Variants in MYO7B observed in about 807,000 individuals in gnomAD.
MYO7B encodes the protein myosin VIIB.
MYO7B carries 212 observed loss-of-function variants against 259.7 expected under a neutral mutation model. The ratio of observed to expected loss-of-function variants is 0.82; its 90% CI spans 0.73 to 0.91. MYO7B has a LOEUF of 0.91. Among genes scored for constraint, MYO7B ranks in the 40% least tolerant of loss-of-function variants. The pLI, the probability that MYO7B is intolerant of heterozygous loss-of-function variation, is 0.00. For synonymous variants in MYO7B, 1,197 were observed against 1,166.4 expected (o/e 1.03, Z -0.54); for missense variants, 2,732 against 2,813.5 (o/e 0.97, Z 0.66).
chr2:127,542,972 G>A (rs375407994), intron 1 of MYO7B, among the ~76,000 whole-genome samples: 20 of 152,178 alleles, frequency 1.3e-4, no homozygotes, highest in African/African-American at 4.1e-4. Context: ...GCCCTAAGGC[G>A]GTTTTCTCCT....
chr2:127,577,524 C>T lies in MYO7B; in HGVS notation c.850-609C>T, dbSNP rs1305380213. On this transcript the variant is annotated intron_variant, in intron 8 of 47. Coordinates refer to ENST00000409816, the MANE Select transcript of MYO7B (RefSeq NM_001393586.1). This position sits in a 1 kb window ranked among gnomAD's most constrained non-coding sequence, Gnocchi z 5.2. Reference sequence around the variant, plus strand: ...CCAAGATCTGCCCCTCTGCCGACCTCTCCCTTCTCAACACCCACCCCAGCC... The same window carrying T: ...CCAAGATCTGCCCCTCTGCCGACCTTTCCCTTCTCAACACCCACCCCAGCC... Among the ~76,000 whole-genome samples the T allele has an allele frequency of 9.8e-5, 15 of 152,300 alleles. No individual in the cohort carries two copies. The highest frequency in any genetic ancestry group is 3.4e-4 in the African/African-American group (14 of 41,558).
rs139047147 is a variant in MYO7B at position 127,587,265 on chromosome 2, G to A, written c.1691-1127G>A. Among the ~76,000 whole-genome samples, 700 of 152,290 alleles carry A rather than the reference G, an allele frequency of 4.6e-3. 8 individuals are homozygous for A. Among genetic ancestry groups the A allele is most frequent in the South Asian group, 0.041 (200 of 4,828 alleles). On this transcript the variant is annotated intron_variant, in intron 14 of 47. Coordinates refer to ENST00000409816, the MANE Select transcript of MYO7B (RefSeq NM_001393586.1). ...AGTGTGGTTCTGTCCCTACTGCAGG[G>A]CTAGGCCATTCTTACTCATGGCCGG...
At chr2:127,603,644 T>TA (rs1332855012) in intron 19 of MYO7B, among the ~76,000 whole-genome samples, 4 of 152,226 alleles carry the variant, frequency 2.6e-5, no homozygotes, top group Admixed American at 2.6e-4. Context: ...ACGTGATTGT[T>TA]AAGGGCCCTA....
intron 5 of MYO7B, among the ~76,000 whole-genome samples, chr2:127,567,787 A>G (rs1195722604): frequency 6.6e-6 from 1 of 152,200 alleles, no homozygotes; most frequent in Non-Finnish European, 1.5e-5. Context: ...TCCCTTCCTC[A>G]GGGAGCTTAT....
rs534789267 is a variant in MYO7B at position 127,577,776 on chromosome 2, G to T, written c.850-357G>T. On this transcript the variant is annotated intron_variant, in intron 8 of 47. Coordinates refer to ENST00000409816, the MANE Select transcript of MYO7B (RefSeq NM_001393586.1). The surrounding 1 kb of genome is among the most constrained non-coding windows in gnomAD (Gnocchi z 5.2). ...GCTCCCTGCCTGCCCCCCTGGATGC[G>T]CAGCACAGGGCCTGGCCCATGGCGA... Among the ~76,000 whole-genome samples, 1 of 152,238 alleles carries T rather than the reference G, an allele frequency of 6.6e-6. No homozygotes were observed. Among genetic ancestry groups the T allele is most frequent in the African/African-American group, 2.4e-5 (1 of 41,466 alleles).
rs890287557 is a variant in MYO7B, at chr2:127,622,101, G to C, written c.3645G>C (p.Gln1215His). ...AGCCCCCCACCTGGCTGGAGCTGCA[G>C]GTAGGGGCTGGCAGGGGTGAGAGCG... ...RAEPPTWLEL[Q>H]AVKSKKHIPI... Residue 1215 changes from glutamine to histidine, a missense_variant and splice_region_variant, in exon 28 of 48, where the codon CAG becomes CAC. Around this residue, in one of 3 missense-constraint regions of MYO7B, gnomAD observed 1,906 missense variants for 2,026.4 expected, o/e 0.94. Transcript: ENST00000409816. 3 of 1,548,968 alleles carry C rather than the reference G, an allele frequency of 1.9e-6. No individual in the cohort carries two copies. The highest frequency in any genetic ancestry group is 2.6e-6 in the Non-Finnish European group (3 of 1,145,172).
intron 6 of MYO7B, among the ~76,000 whole-genome samples, chr2:127,571,176 C>T (rs1243125362): frequency 6.6e-6 from 1 of 152,140 alleles, no homozygotes; most frequent in Non-Finnish European, 1.5e-5. Context: ...TTCCAAAATG[C>T]TCACAGCATT....
intron 26 of MYO7B, among the ~76,000 whole-genome samples, chr2:127,617,486 G>GT (rs1558838488): frequency 9.3e-6 from 1 of 107,834 alleles, no homozygotes; most frequent in African/African-American, 4.9e-5. Context: ...CTTGTAACGG[G>GT]GTTTTTTTTT....
At chr2:127,634,982 A>C in intron 42 of MYO7B, 138 bp from the exon 43 acceptor site, 1 of 717,608 alleles carries the variant, frequency 1.4e-6, no homozygotes, top group Non-Finnish European at 2.4e-6. Context: ...ATTGAAGGAA[A>C]ATGTGGGGAC....
At chr2:127,537,709 G>GGA (rs1455772635) in intron 1 of MYO7B, among the ~76,000 whole-genome samples, 48 of 151,372 alleles carry the variant, frequency 3.2e-4, no homozygotes, top group East Asian at 1.9e-3. Context: ...GAGGAGGAGG[G>GGA]GGAGGAGAAG....
chr2:127,594,227 G>A (rs973062496), intron 18 of MYO7B, among the ~76,000 whole-genome samples: 61 of 152,232 alleles, frequency 4.0e-4, no homozygotes, highest in African/African-American at 1.4e-3. Context: ...CCCTCCAGAA[G>A]TGCCATTTGG....
Position 127,628,034 on chromosome 2 carries a change from T to C in MYO7B, c.4461-338T>C, listed in dbSNP as rs575516072. ...TAAACTGAAGCACGCCGAGGTTAGGTGGCTCAGAGTAAGCACATGGCAGAG... is the reference window on the plus strand; with the variant it reads ...TAAACTGAAGCACGCCGAGGTTAGGCGGCTCAGAGTAAGCACATGGCAGAG... On this transcript the variant is annotated intron_variant, in intron 33 of 47. Coordinates refer to ENST00000409816, the MANE Select transcript of MYO7B (RefSeq NM_001393586.1). The surrounding 1 kb of genome is among the most constrained non-coding windows in gnomAD (Gnocchi z 4.8). 1.5e-5 allele frequency: 8 copies of C among 519,690 alleles called. No homozygotes were observed. The highest frequency in any genetic ancestry group is 1.2e-4 in the South Asian group (8 of 65,152). 32.2% of individuals were successfully genotyped at this position (519,690 alleles called of 1,614,324 possible).
chr2:127,637,334 C>T lies in MYO7B; in HGVS notation c.6346C>T (p.Leu2116=), dbSNP rs1681905336. The change falls in exon 48 of 48, where the codon CTG becomes TTG. Residue 2116 remains leucine (L), a synonymous_variant. Transcript: ENST00000409816. Reference sequence around the variant, plus strand: ...TGTCCAGGGCTATAAGATGGATGACCTGCTGACCTCATATGTGCAGCAGCT... The same window carrying T: ...TGTCCAGGGCTATAAGATGGATGACTTGCTGACCTCATATGTGCAGCAGCT... ...ETSLGYKMDD[L]LTSYVQQLLS... 2.5e-6 allele frequency: 4 copies of T among 1,590,164 alleles called. No homozygotes were observed. Among genetic ancestry groups the T allele is most frequent in the East Asian group, 2.3e-5 (1 of 43,928 alleles).
chr2:127,630,520 C>T (rs1013526069), intron 35 of MYO7B, among the ~76,000 whole-genome samples: 1 of 152,144 alleles, frequency 6.6e-6, no homozygotes, highest in Non-Finnish European at 1.5e-5. Context: ...CCCAGAGTGC[C>T]GTGGCCCCCA....
At chr2:127,537,244 C>G (rs1372935123) in intron 1 of MYO7B, among the ~76,000 whole-genome samples, 1 of 152,162 alleles carries the variant, frequency 6.6e-6, no homozygotes, top group Admixed American at 6.5e-5. Flanking sequence ...ACTTCCTTAT[C>G]ATGCCCGCTG....
At position 127,566,632 on chromosome 2, in the gene MYO7B, T is replaced by C. The variant is rs777672231; in HGVS notation, c.286-11T>C. 1 of 1,565,900 alleles carries C rather than the reference T, an allele frequency of 6.4e-7. No homozygotes were observed. On this transcript the variant is annotated splice_polypyrimidine_tract_variant and intron_variant, in intron 4 of 47. Transcript: ENST00000409816. ...GGGGCAGAGGGCACTGACCACCTGCTTCCTTCCCAGACATACACAGGCTCC... is the reference window on the plus strand; with the variant it reads ...GGGGCAGAGGGCACTGACCACCTGCCTCCTTCCCAGACATACACAGGCTCC...
In MYO7B at chr2:127,624,196, G is replaced by A. The variant is rs201792059; in HGVS notation, c.3923G>A (p.Arg1308His). ...GAGAGCCAGCGCCAGTCACCCTGGC[G>A]CATCTACTTCCGGAAGGAATTCTTC... is the stretch of plus-strand genomic sequence containing the variant. Reference protein sequence around the residue: ...RGESQRQSPWRIYFRKEFFTP... With the variant: ...RGESQRQSPWHIYFRKEFFTP... The change falls in exon 30 of 48, where the codon CGC (arginine) becomes CAC (histidine). Residue 1308 changes from arginine to histidine, a missense_variant. Transcript: ENST00000409816. 1.0e-4 allele frequency: 166 copies of A among 1,596,976 alleles called. No individual in the cohort carries two copies. The African/African-American group carries it at 1.2e-3, about 12-fold the overall frequency.
intron 26 of MYO7B, among the ~76,000 whole-genome samples, chr2:127,616,046 T>TGCAGCCGGGAGGCATGCCGTTGCTGAA (rs1385020259): frequency 6.1e-4 from 93 of 152,340 alleles, no homozygotes; most frequent in African/African-American, 2.2e-3. Context: ...CTTTTGTGGC[T>TGCAGCCGGGAGGCATGCCGTTGCTGAA]GCAGCCGGGA....
chr2:127,586,440 A>G lies in MYO7B; in HGVS notation c.1690+1527A>G, dbSNP rs184729961. Among the ~76,000 whole-genome samples, 34 of 152,280 alleles carry G rather than the reference A, an allele frequency of 2.2e-4. No individual in the cohort carries two copies. The highest frequency in any genetic ancestry group is 3.4e-3 in the Middle Eastern group (1 of 294). On this transcript the variant is annotated intron_variant, in intron 14 of 47. Transcript: ENST00000409816. This position sits in a 1 kb window ranked among gnomAD's most constrained non-coding sequence, Gnocchi z 4.8. ...AACTGGAGACAGGAATCCAGGGATGATTCTTTTGAGTAGAGGGTGATCATT... is the reference window on the plus strand; with the variant it reads ...AACTGGAGACAGGAATCCAGGGATGGTTCTTTTGAGTAGAGGGTGATCATT...
Sources: allele counts gnomAD v4.1 joint callset (sites outside exome capture counted in the v4.1 genomes callset), GRCh38; gene constraint gnomAD v4.1.1; regional missense constraint gnomAD v4.1.1; non-coding constraint Gnocchi (gnomAD v3.1); transcripts MANE v1.5; gene names NCBI Gene and HGNC (gene_info 2026-07-23, HGNC 2026-07-21).